Variants in NDFIP2 observed in about 807,000 individuals in gnomAD.
The protein encoded by NDFIP2 is NEDD4 family-interacting protein 2.
In NDFIP2, 19 loss-of-function variants were observed where a neutral mutation model predicts 36.0. The observed-to-expected ratio is 0.53, with a 90% confidence interval of 0.37 to 0.77. The LOEUF (loss-of-function observed/expected upper bound fraction) is 0.77, where lower values mean the gene tolerates loss of function less well. Ranked by LOEUF, NDFIP2 falls within the 30% of genes least tolerant of loss-of-function variation. NDFIP2 has a pLI of 0.00. For missense variants in NDFIP2, 446 were observed against 435.8 expected (o/e 1.02, Z -0.21); for synonymous variants, 181 against 167.7 (o/e 1.08, Z -0.61).
At chr13:79,486,744 A>G (rs1175396033) in intron 1 of NDFIP2, among the ~76,000 whole-genome samples, 1 of 152,190 alleles carries the variant, frequency 6.6e-6, no homozygotes, top group Non-Finnish European at 1.5e-5. Flanking sequence ...ACATTCATGT[A>G]CTGCATAATG....
chr13:79,526,343 C>T (rs1214096361), intron 2 of NDFIP2, among the ~76,000 whole-genome samples: 1 of 152,080 alleles, frequency 6.6e-6, no homozygotes, highest in East Asian at 1.9e-4. Flanking sequence ...AACAAATAGA[C>T]CCACATCAAA....
intron 5 of NDFIP2, among the ~76,000 whole-genome samples, chr13:79,544,651 A>T (rs545087684): frequency 3.9e-5 from 6 of 152,232 alleles, no homozygotes; most frequent in African/African-American, 1.4e-4. Context: ...TTGATTTCTA[A>T]TTGAATGAGC....
intron 6 of NDFIP2, 28 bp from the exon 7 acceptor site, chr13:79,550,989 T>C (rs1478718098): frequency 7.5e-7 from 1 of 1,324,656 alleles, no homozygotes; most frequent in Non-Finnish European, 1.1e-6. Flanking sequence ...AAAAACATAG[T>C]ATATCCATAT....
intron 1 of NDFIP2, among the ~76,000 whole-genome samples, chr13:79,509,222 GAT>G (rs747270199): frequency 1.3e-5 from 2 of 152,140 alleles, no homozygotes; most frequent in Non-Finnish European, 2.9e-5. Context: ...AGAGACATAA[GAT>G]ATCAATCAGT....
At chr13:79,505,068 C>G (rs1873809007) in intron 1 of NDFIP2, among the ~76,000 whole-genome samples, 2 of 152,126 alleles carry the variant, frequency 1.3e-5, no homozygotes, top group Non-Finnish European at 2.9e-5. Context: ...GTGAATATGT[C>G]TGACTTCTAG....
At chr13:79,526,836 C>G (rs1236572118) in intron 2 of NDFIP2, among the ~76,000 whole-genome samples, 1 of 152,194 alleles carries the variant, frequency 6.6e-6, no homozygotes, top group Non-Finnish European at 1.5e-5. Context: ...TATAGCTCAT[C>G]TGATTTTCCA....
chr13:79,514,173 A>G (rs1321609453), intron 1 of NDFIP2, among the ~76,000 whole-genome samples: 2 of 152,128 alleles, frequency 1.3e-5, no homozygotes, highest in East Asian at 3.9e-4. Flanking sequence ...TGCAAAAGTA[A>G]TTGTGGTTTT....
intron 2 of NDFIP2, among the ~76,000 whole-genome samples, chr13:79,530,357 T>C (rs1308035243): frequency 6.6e-6 from 1 of 152,164 alleles, no homozygotes; most frequent in African/African-American, 2.4e-5. Context: ...CCTCAAGTGA[T>C]CCTTTAGCCT....
At chr13:79,485,757 A>G (rs553272521) in intron 1 of NDFIP2, among the ~76,000 whole-genome samples, 13 of 152,292 alleles carry the variant, frequency 8.5e-5, no homozygotes, top group African/African-American at 3.1e-4. Flanking sequence ...CTTATTCCTG[A>G]TACAGTTAAT....
At chr13:79,493,843 A>G (rs1034431396) in intron 1 of NDFIP2, among the ~76,000 whole-genome samples, 3 of 152,100 alleles carry the variant, frequency 2.0e-5, no homozygotes, top group African/African-American at 7.2e-5. Flanking sequence ...GTAATCTTTC[A>G]TTGGGCTGGA....
chr13:79,509,666 G>A (rs1873999805), intron 1 of NDFIP2, among the ~76,000 whole-genome samples: 1 of 138,394 alleles, frequency 7.2e-6, no homozygotes, highest in Non-Finnish European at 1.5e-5. Context: ...CTAATAGGAT[G>A]TATATTATCG....
intron 4 of NDFIP2, 80 bp from the exon 5 acceptor site, chr13:79,543,478 C>T: frequency 1.3e-6 from 2 of 1,527,046 alleles, no homozygotes; most frequent in Non-Finnish European, 1.8e-6. Context: ...TTCCATTGAG[C>T]CATGAAATAT....
Position 79,500,849 on chromosome 13 carries a change from C to G in NDFIP2, c.321+19325C>G, listed in dbSNP as rs149607424. Among the ~76,000 whole-genome samples, 623 of 152,144 alleles carry G rather than the reference C, an allele frequency of 4.1e-3. 7 individuals are homozygous for G. The highest frequency in any genetic ancestry group is 0.014 in the African/African-American group (599 of 41,522). The stretch of plus-strand genomic sequence containing the variant: ...CCCGAAGGAGTTGTAAGCTTACGGT[C>G]CATTCAAAAACATGCACATGTATGT... On this transcript the variant is annotated intron_variant, in intron 1 of 7. Transcript: ENST00000218652.
Position 79,533,449 on chromosome 13 carries a change from C to G in NDFIP2, c.614C>G (p.Ser205Cys), listed in dbSNP as rs974401499. Residue 205 changes from serine to cysteine, a missense_variant, in exon 3 of 8, where the codon TCT becomes TGT. Around this residue, in one of 2 missense-constraint regions of NDFIP2, gnomAD observed 369 missense variants for 304.8 expected, o/e 1.21. Coordinates refer to ENST00000218652, the MANE Select transcript of NDFIP2 (RefSeq NM_019080.3). ...ATGGCAGCTGCAGCAGCAGAAACAT[C>G]TCAAAGAGTAAGAAAATTTCATCAT... ...AAMAAAAAET[S>C]QRIQEEECPP... The G allele has an allele frequency of 6.3e-7, 1 of 1,591,158 alleles. No homozygotes were observed. The highest frequency in any genetic ancestry group is 8.5e-7 in the Non-Finnish European group (1 of 1,173,534).
chr13:79,518,987 G>A (rs1200317850), intron 1 of NDFIP2: 1 of 151,972 alleles, frequency 6.6e-6, no homozygotes, highest in African/African-American at 2.4e-5. Context: ...TGTATTTTTT[G>A]GTAGAGATTG....
intron 4 of NDFIP2, among the ~76,000 whole-genome samples, chr13:79,540,049 G>A (rs1566666911): frequency 6.6e-6 from 1 of 152,190 alleles, no homozygotes; most frequent in Non-Finnish European, 1.5e-5. Context: ...AGCTATTTCA[G>A]ATTTTTAAAG....
chr13:79,481,671 T>C (rs2079814248), intron 1 of NDFIP2, 147 bp downstream of exon 1: 2 of 1,016,470 alleles, frequency 2.0e-6, no homozygotes, highest in Admixed American at 5.8e-5. Flanking sequence ...TGGCTGGAGC[T>C]GCTTCACTCG....
At chr13:79,486,264 T>G (rs1872983276) in intron 1 of NDFIP2, among the ~76,000 whole-genome samples, 1 of 152,204 alleles carries the variant, frequency 6.6e-6, no homozygotes, top group Admixed American at 6.5e-5. Flanking sequence ...CAGTGGCCCC[T>G]TACTGAATCT....
At chr13:79,534,350 GTTTT>G (rs532659161) in intron 3 of NDFIP2, among the ~76,000 whole-genome samples, 1 of 95,406 alleles carries the variant, frequency 1.0e-5, no homozygotes, top group South Asian at 3.9e-4. Flanking sequence ...TTTGTCAGCT[GTTTT>G]TTTTTTTTTT....
Sources: gnomAD v4.1 joint callset for allele counts (sites outside exome capture counted in the v4.1 genomes callset) on GRCh38, gnomAD v4.1.1 for gene constraint, gnomAD v4.1.1 regional missense constraint, MANE v1.5 for transcripts, NCBI Gene and HGNC (gene_info 2026-07-23, HGNC 2026-07-21) for gene names.